MORN1: variants seen among roughly 807,000 people sequenced by gnomAD.
MORN1 encodes MORN repeat containing 1.
Under a neutral mutation model 61.9 loss-of-function variants are expected in MORN1, and 67 were observed. The ratio of observed to expected loss-of-function variants is 1.08; its 90% CI spans 0.89 to 1.33. The LOEUF is 1.33. Among genes scored for constraint, MORN1 ranks in the 40% most tolerant of loss-of-function variants. The pLI, the probability that MORN1 is intolerant of heterozygous loss-of-function variation, is 0.00. For missense variants in MORN1, 752 were observed against 691.2 expected (o/e 1.09, Z -0.99); for synonymous variants, 301 against 292.0 (o/e 1.03, Z -0.31).
chr1:2,362,430 G>T (rs2100316190), intron 8 of MORN1, among the ~76,000 whole-genome samples: 1 of 152,024 alleles, frequency 6.6e-6, no homozygotes, highest in South Asian at 2.1e-4. Context: ...TTTGTTCAAG[G>T]GTCAACTGTA....
chr1:2,372,566 C>G lies in MORN1; in HGVS notation c.660G>C (p.Leu220Phe), dbSNP rs1642145361. ...GGGCCACTTCCATCACCTCCGGACC[C>G]AAGATCACGATCCTCGTAGCTTGTT... ...PAEQATRIVI[L>F]GPEVMEVAQG... Residue 220 changes from leucine (L) to phenylalanine (F), a missense_variant, in exon 8 of 14, where the codon TTG (leucine) becomes TTC (phenylalanine). Transcript: ENST00000378531. This position sits in a 1 kb window ranked among gnomAD's most constrained non-coding sequence, Gnocchi z 5.4. 1 of 1,613,554 alleles carries G rather than the reference C, an allele frequency of 6.2e-7. No homozygotes were observed. The highest frequency in any genetic ancestry group is 1.1e-5 in the South Asian group (1 of 91,018).
At chr1:2,361,488 G>A (rs1230778499) in intron 8 of MORN1, among the ~76,000 whole-genome samples, 1 of 152,034 alleles carries the variant, frequency 6.6e-6, no homozygotes, top group African/African-American at 2.4e-5. Flanking sequence ...AACCTGGGAG[G>A]TGGAGGTTGC....
Position 2,385,043 on chromosome 1 carries a change from C to A in MORN1, c.472G>T (p.Asp158Tyr). Residue 158 changes from aspartate (D) to tyrosine (Y), a missense_variant, in exon 6 of 14, where the codon GAC (aspartate) becomes TAC (tyrosine). Physicochemically the swap from Asp to Tyr is radical, Grantham distance 160. Coordinates refer to ENST00000378531, the MANE Select transcript of MORN1 (RefSeq NM_024848.3). ...CCCTGACGCCGGTCCCGGACCCAGTCGCCGTCGTACTTGTCACCGTTCCTG... is the reference window on the plus strand; with the variant it reads ...CCCTGACGCCGGTCCCGGACCCAGTAGCCGTCGTACTTGTCACCGTTCCTG... ...LFQNGDKYDG[D>Y]WVRDRRQGHG... 1.3e-6 allele frequency: 2 copies of A among 1,597,250 alleles called. No individual in the cohort carries two copies. The highest frequency in any genetic ancestry group is 1.7e-6 in the Non-Finnish European group (2 of 1,173,462).
intron 6 of MORN1, among the ~76,000 whole-genome samples, chr1:2,381,886 C>G (rs529237124): frequency 2.0e-5 from 3 of 152,320 alleles, no homozygotes; most frequent in Middle Eastern, 3.4e-3. Flanking sequence ...CAGCAAGGCC[C>G]GGGCCAGTGT....
At chr1:2,324,757 T>A (rs1159088094) in intron 12 of MORN1, among the ~76,000 whole-genome samples, 1 of 152,138 alleles carries the variant, frequency 6.6e-6, no homozygotes, top group Non-Finnish European at 1.5e-5. Context: ...GTGCAGCTCC[T>A]GCCCTGAGGC....
Position 2,357,740 on chromosome 1 carries a change from C to T in MORN1, c.870-142G>A. Reference sequence around the variant, plus strand: ...GCTACTCAGCCTCTCTGGGAGGTCTCCTGCTGGGATGGGGCCAGTTGAGGC... The same window carrying T: ...GCTACTCAGCCTCTCTGGGAGGTCTTCTGCTGGGATGGGGCCAGTTGAGGC... On this transcript the variant is annotated intron_variant, in intron 9 of 13. Transcript: ENST00000378531. This position sits in a 1 kb window ranked among gnomAD's most constrained non-coding sequence, Gnocchi z 6.3. 1.0e-6 allele frequency: 1 copy of T among 984,216 alleles called. No homozygotes were observed. The highest frequency in any genetic ancestry group is 1.7e-5 in the African/African-American group (1 of 59,562). 61.0% of individuals were successfully genotyped at this position (984,216 alleles called of 1,614,324 possible).
In MORN1 at chr1:2,372,332, T is replaced by C; in HGVS notation, c.745+149A>G. The C allele has an allele frequency of 3.2e-6, 2 of 624,482 alleles. No individual in the cohort carries two copies. Among genetic ancestry groups the C allele is most frequent in the Non-Finnish European group, 5.6e-6 (2 of 356,264 alleles). The allele number at this position is 624,482 out of a possible 1,614,324, so 38.7% of individuals were successfully genotyped here. ...TGACTGGCAGGGAAGCTGGCACACC[T>C]GCGACCTCTCTGCCAGGCTCTGGGC... On this transcript the variant is annotated intron_variant, in intron 8 of 13. Transcript: ENST00000378531. The surrounding 1 kb of genome is among the most constrained non-coding windows in gnomAD (Gnocchi z 5.4).
intron 8 of MORN1, among the ~76,000 whole-genome samples, chr1:2,360,059 G>A (rs1641860093): frequency 6.6e-6 from 1 of 152,154 alleles, no homozygotes; most frequent in Non-Finnish European, 1.5e-5. Flanking sequence ...GCCGTGGAGG[G>A]GTCGCCTCAG....
intron 10 of MORN1, among the ~76,000 whole-genome samples, chr1:2,343,377 C>T (rs560744116): frequency 1.3e-3 from 193 of 152,310 alleles, no homozygotes; most frequent in African/African-American, 4.4e-3. Context: ...ACAGAGCCGC[C>T]GGGCCCTGGG....
At chr1:2,323,308 G>A (rs1640925334) in intron 13 of MORN1, 3 of 985,294 alleles carry the variant, frequency 3.0e-6, no homozygotes. Flanking sequence ...CTGCGCCAGA[G>A]GCAGCTCCAC....
chr1:2,336,360 C>T, intron 12 of MORN1, 109 bp downstream of exon 12: 1 of 1,146,018 alleles, frequency 8.7e-7, no homozygotes. Context: ...ACTGTCTTCC[C>T]AGACCAGGCC....
intron 10 of MORN1, among the ~76,000 whole-genome samples, chr1:2,340,550 CGGA>C (rs1171300901): frequency 6.6e-6 from 1 of 152,214 alleles, no homozygotes; most frequent in Non-Finnish European, 1.5e-5. Context: ...ATCTGTGGCT[CGGA>C]GGACTGCAGT....
rs558147721 is a variant in MORN1 at position 2,358,564 on chromosome 1, C to T, written c.869+28G>A. The T allele has an allele frequency of 1.7e-5, 28 of 1,613,684 alleles. No homozygotes were observed. In the South Asian group the frequency reaches 2.6e-4, roughly 15 times the overall value. The stretch of plus-strand genomic sequence containing the variant: ...AAATGAACTCAAAACAAACTCAGAA[C>T]TAACTCATTGGTGTCACACGTACTC... On this transcript the variant is annotated intron_variant, in intron 9 of 13. Transcript: ENST00000378531.
At position 2,389,930 on chromosome 1, in the gene MORN1, T is replaced by C. The variant is rs1642602495; in HGVS notation, c.143A>G (p.Lys48Arg). The C allele has an allele frequency of 6.2e-7, 1 of 1,613,924 alleles. No homozygotes were observed. The highest frequency in any genetic ancestry group is 1.3e-5 in the African/African-American group (1 of 74,944). Residue 48 changes from lysine to arginine, a missense_variant, in exon 2 of 14, where the codon AAG becomes AGG. By Grantham distance (26) the Lys-to-Arg change is conservative. Coordinates refer to ENST00000378531, the MANE Select transcript of MORN1 (RefSeq NM_024848.3). ...AGACCACAGATGCTTCTCACCGTGC[T>C]TCCTCCCTGCTTTCCATTCTCCTTC... The part of the protein sequence containing the change: ...RYEGEWKAGR[K>R]HGHGKLLFKD...
At chr1:2,332,901 G>A (rs1196610940) in intron 12 of MORN1, 7 of 362,396 alleles carry the variant, frequency 1.9e-5, no homozygotes, top group Admixed American at 1.8e-4. Flanking sequence ...ACTGGGGCTC[G>A]GGCTGGGGCT....
Position 2,389,949 on chromosome 1 carries a change from C to T in MORN1, c.124G>A (p.Glu42Lys). 1 of 1,614,142 alleles carries T rather than the reference C, an allele frequency of 6.2e-7. No homozygotes were observed. Among genetic ancestry groups the T allele is most frequent in the Non-Finnish European group, 8.5e-7 (1 of 1,179,998 alleles). Residue 42 changes from glutamate (E) to lysine (K), a missense_variant, in exon 2 of 14, where the codon GAA becomes AAA. By Grantham distance (56) the Glu-to-Lys change is moderately conservative. Coordinates refer to ENST00000378531, the MANE Select transcript of MORN1 (RefSeq NM_024848.3). ...YPNSFFRYEG[E>K]WKAGRKHGHG... is the part of the protein sequence containing the mutation. ...CCGTGCTTCCTCCCTGCTTTCCATT[C>T]TCCTTCATATCGAAAGAAGGAATTT... is the stretch of plus-strand genomic sequence containing the variant.
In MORN1 at chr1:2,372,693, A is replaced by G; in HGVS notation, c.635-102T>C. 1.2e-6 allele frequency: 1 copy of G among 823,336 alleles called. No homozygotes were observed. The highest frequency in any genetic ancestry group is 1.9e-6 in the Non-Finnish European group (1 of 520,140). 51.0% of individuals were successfully genotyped at this position (823,336 alleles called of 1,614,324 possible). On this transcript the variant is annotated intron_variant, in intron 7 of 13. Coordinates refer to ENST00000378531, the MANE Select transcript of MORN1 (RefSeq NM_024848.3). The surrounding 1 kb of genome is among the most constrained non-coding windows in gnomAD (Gnocchi z 5.4). ...GCACCCCAGGAACCGACCAGAGCCC[A>G]GTGTGGCAGCTGGAACACAAGCACA...
intron 10 of MORN1, among the ~76,000 whole-genome samples, chr1:2,345,691 C>G (rs1641497178): frequency 1.3e-5 from 2 of 152,226 alleles, no homozygotes; most frequent in African/African-American, 4.8e-5. Context: ...CCCTGAGGGC[C>G]TAGGGCCAGG....
At chr1:2,390,727 G>C in intron 1 of MORN1, 1 of 984,746 alleles carries the variant, frequency 1.0e-6, no homozygotes, top group Non-Finnish European at 1.2e-6. Context: ...TTTGATTCTA[G>C]AAACAGTTCC....
Sources: allele counts gnomAD v4.1 joint callset (sites outside exome capture counted in the v4.1 genomes callset), GRCh38; gene constraint gnomAD v4.1.1; non-coding constraint Gnocchi (gnomAD v3.1); transcripts MANE v1.5; gene names NCBI Gene and HGNC (gene_info 2026-07-23, HGNC 2026-07-21).